The following HLCS variants were observed in gnomAD, a reference collection of about 807,000 sequenced individuals.
HLCS encodes the protein holocarboxylase synthetase.
In HLCS, 53 loss-of-function variants were observed where a neutral mutation model predicts 75.0. The ratio of observed to expected loss-of-function variants is 0.71; its 90% confidence interval spans 0.57 to 0.89. The LOEUF is 0.89. Among genes scored for constraint, HLCS ranks in the 40% least tolerant of loss-of-function variants. The pLI is 0.00. For synonymous variants in HLCS, 431 were observed against 428.6 expected (o/e 1.01, Z -0.07); for missense variants, 966 against 1,074.0 (o/e 0.90, Z 1.41).
chr21:36,914,575 T>C (rs2065850251), intron 5 of HLCS, among the ~76,000 whole-genome samples: 1 of 152,206 alleles, frequency 6.6e-6, no homozygotes, highest in Non-Finnish European at 1.5e-5. Context: ...ACAAAAGGCT[T>C]GAGTAGAACA....
intron 6 of HLCS, among the ~76,000 whole-genome samples, chr21:36,830,164 G>A (rs1187132857): frequency 2.0e-5 from 3 of 152,176 alleles, no homozygotes; most frequent in Non-Finnish European, 4.4e-5. Context: ...ACAAGCCAGA[G>A]AGAGGGGCCC....
chr21:36,857,348 C>T (rs1260951730), intron 6 of HLCS, among the ~76,000 whole-genome samples: 1 of 152,188 alleles, frequency 6.6e-6, no homozygotes, highest in African/African-American at 2.4e-5. Flanking sequence ...GATTCCAAAG[C>T]TGTAGGTGGA....
intron 6 of HLCS, among the ~76,000 whole-genome samples, chr21:36,886,432 C>CAAAAA (rs11297170): frequency 6.0e-5 from 4 of 66,904 alleles, no homozygotes; most frequent in Admixed American, 3.4e-4. Context: ...GACTCCATCT[C>CAAAAA]AAAAAAAAAA....
intron 6 of HLCS, among the ~76,000 whole-genome samples, chr21:36,844,822 A>C (rs1386048517): frequency 6.6e-6 from 1 of 152,208 alleles, no homozygotes; most frequent in African/African-American, 2.4e-5. Context: ...GATTGGGTCC[A>C]TAAGGAAAGA....
intron 6 of HLCS, among the ~76,000 whole-genome samples, chr21:36,802,414 T>A (rs925456818): frequency 2.6e-5 from 4 of 152,260 alleles, no homozygotes; most frequent in African/African-American, 9.6e-5. Context: ...TTCTGTGTCA[T>A]AAACATTCTC....
In HLCS at chr21:36,936,749, C is replaced by T. The variant is rs1033180943; in HGVS notation, c.1137G>A (p.Lys379=). 7.4e-6 allele frequency: 12 copies of T among 1,614,100 alleles called. No individual in the cohort carries two copies. Among genetic ancestry groups the T allele is most frequent in the African/African-American group, 1.3e-5 (1 of 74,936 alleles). ...CTCCCTGAGAAAGATAGGCCATGAA[C>T]TTCTGGTACAGGTCTTCGGGAATGG... The part of the protein sequence containing the change: ...RESIPEDLYQ[K]FMAYLSQGGK... The change falls in exon 4 of 11, where the codon AAG becomes AAA. Residue 379 remains lysine, a synonymous_variant. Coordinates refer to ENST00000674895, the MANE Select transcript of HLCS (RefSeq NM_001352514.2).
chr21:36,806,548 G>T (rs2061366248), intron 6 of HLCS, among the ~76,000 whole-genome samples: 1 of 152,158 alleles, frequency 6.6e-6, no homozygotes, highest in Admixed American at 6.5e-5. Flanking sequence ...TGGTTGCCGG[G>T]CTAGAAGCAA....
chr21:36,752,528 T>G lies in HLCS; in HGVS notation c.*1718A>C, dbSNP rs1245019499. 2 of 152,642 alleles carry G rather than the reference T, an allele frequency of 1.3e-5. No homozygotes were observed. Among genetic ancestry groups the G allele is most frequent in the African/African-American group, 4.8e-5 (2 of 41,458 alleles). 9.5% of individuals were successfully genotyped at this position (152,642 alleles called of 1,614,324 possible). On this transcript the variant is annotated 3_prime_UTR_variant, in exon 11 of 11. Coordinates refer to ENST00000674895, the MANE Select transcript of HLCS (RefSeq NM_001352514.2). Reference sequence around the variant, plus strand: ...CTGATGATATTCTGCAGATGCCCTCTCAAGGGTAAGTCCATTTTGTAATTT... The same window carrying G: ...CTGATGATATTCTGCAGATGCCCTCGCAAGGGTAAGTCCATTTTGTAATTT...
At chr21:36,960,143 CCCG>C (rs1050359102) in intron 2 of HLCS, among the ~76,000 whole-genome samples, 1 of 121,148 alleles carries the variant, frequency 8.3e-6, no homozygotes, top group Non-Finnish European at 1.7e-5. Context: ...CCCCCCCCCC[CCCG>C]ACCCTGCACT....
intron 6 of HLCS, among the ~76,000 whole-genome samples, chr21:36,882,801 T>C (rs8134282): frequency 0.16 from 24,126 of 151,838 alleles, 4,332 homozygotes; most frequent in African/African-American, 0.44. Context: ...GTAAATTCTG[T>C]ATGCACATAT....
At chr21:36,756,457 A>G (rs1301997170) in intron 10 of HLCS, 85 bp downstream of exon 10, 1 of 392,092 alleles carries the variant, frequency 2.6e-6, no homozygotes, top group African/African-American at 2.1e-5. Flanking sequence ...TCTCAAAAAA[A>G]AAAAAAAAAA....
chr21:36,833,866 C>T (rs114025241), intron 6 of HLCS, among the ~76,000 whole-genome samples: 2,037 of 152,230 alleles, frequency 0.013, 37 homozygotes, highest in African/African-American at 0.047. Context: ...GAGCTATGGA[C>T]GTGAGTTTTG....
chr21:36,828,228 A>G (rs1250596261), intron 6 of HLCS, among the ~76,000 whole-genome samples: 1 of 152,204 alleles, frequency 6.6e-6, no homozygotes, highest in Non-Finnish European at 1.5e-5. Flanking sequence ...AAGTAACTGA[A>G]TAACAGCAGG....
chr21:36,901,422 G>A (rs1258568341), intron 5 of HLCS, among the ~76,000 whole-genome samples: 1 of 152,198 alleles, frequency 6.6e-6, no homozygotes, highest in African/African-American at 2.4e-5. Context: ...AAGAGTGACT[G>A]TAGTTAAAAA....
At chr21:36,847,693 A>G (rs906692408) in intron 6 of HLCS, among the ~76,000 whole-genome samples, 1 of 152,224 alleles carries the variant, frequency 6.6e-6, no homozygotes, top group Admixed American at 6.5e-5. Flanking sequence ...TTTCTTGCTG[A>G]TATGCCAAAA....
chr21:36,806,500 C>T (rs925948663), intron 6 of HLCS, among the ~76,000 whole-genome samples: 5 of 152,094 alleles, frequency 3.3e-5, no homozygotes, highest in East Asian at 1.9e-4. Flanking sequence ...TGAAAGGTGA[C>T]GGTCAGTGTG....
chr21:36,780,102 C>T (rs1474315382), intron 6 of HLCS, among the ~76,000 whole-genome samples: 1 of 152,172 alleles, frequency 6.6e-6, no homozygotes, highest in Non-Finnish European at 1.5e-5. Context: ...CCCCATCCAC[C>T]TACCCCACAC....
At chr21:36,813,846 G>A (rs756897105) in intron 6 of HLCS, among the ~76,000 whole-genome samples, 1 of 152,082 alleles carries the variant, frequency 6.6e-6, no homozygotes, top group Non-Finnish European at 1.5e-5. Context: ...GCCAATAAAC[G>A]AGAGCTTCGT....
intron 6 of HLCS, among the ~76,000 whole-genome samples, chr21:36,820,673 G>A (rs1196828159): frequency 6.6e-6 from 1 of 152,260 alleles, no homozygotes; most frequent in Non-Finnish European, 1.5e-5. Flanking sequence ...GCACAGGCCT[G>A]TACGCGCCCT....
Sources: allele counts gnomAD v4.1 joint callset (sites outside exome capture counted in the v4.1 genomes callset), GRCh38; gene constraint gnomAD v4.1.1; transcripts MANE v1.5; gene names NCBI Gene and HGNC (gene_info 2026-07-23, HGNC 2026-07-21).